Variants in TENM3 observed in about 807,000 individuals in gnomAD.
TENM3 encodes teneurin-3.
TENM3 carries 63 observed loss-of-function variants against 255.1 expected under a neutral mutation model. The observed-to-expected ratio is 0.25, with a 90% CI of 0.20 to 0.30. The LOEUF is 0.30. Among genes scored for constraint, TENM3 ranks in the 10% least tolerant of loss-of-function variants. The pLI, the probability that TENM3 is intolerant of heterozygous loss-of-function variation, is 1.00. For synonymous variants in TENM3, 1,306 were observed against 1,322.3 expected (o/e 0.99, Z 0.27); for missense variants, 2,929 against 3,461.1 (o/e 0.85, Z 3.86).
At chr4:181,645,209 C>A in the TENM3 span, among the ~76,000 whole-genome samples, 1 of 152,182 alleles carries the variant, frequency 6.6e-6, no homozygotes, top group South Asian at 2.1e-4. Context: ...ATGTTAGAAG[C>A]TTTTGGAAGA....
At chr4:181,726,790 T>A in the TENM3 span, among the ~76,000 whole-genome samples, 1 of 152,084 alleles carries the variant, frequency 6.6e-6, no homozygotes, top group Non-Finnish European at 1.5e-5. Flanking sequence ...CACCCCCCAC[T>A]TCCAAATTTC....
At chr4:182,091,463 C>T in the TENM3 span, among the ~76,000 whole-genome samples, 1 of 152,098 alleles carries the variant, frequency 6.6e-6, no homozygotes, top group African/African-American at 2.4e-5. Flanking sequence ...TACCTTGCAA[C>T]CTGAGGCCAG....
the TENM3 span, among the ~76,000 whole-genome samples, chr4:182,107,631 C>T: frequency 1.0e-3 from 158 of 152,232 alleles, no homozygotes; most frequent in Non-Finnish European, 2.0e-3. Flanking sequence ...AATCTGTCCA[C>T]GAAGCGAGGA....
At chr4:182,105,423 C>A in the TENM3 span, among the ~76,000 whole-genome samples, 2 of 152,156 alleles carry the variant, frequency 1.3e-5, no homozygotes, top group Admixed American at 6.5e-5. Flanking sequence ...AACTCTGACA[C>A]AAATGACAAG....
chr4:182,549,705 T>G (rs547848922), intron 3 of TENM3, among the ~76,000 whole-genome samples: 23 of 152,192 alleles, frequency 1.5e-4, no homozygotes, highest in Non-Finnish European at 2.9e-4. Flanking sequence ...TTTCAAAATA[T>G]CATGCATTCT....
At chr4:182,241,786 C>T (rs28632174), upstream of TENM3, among the ~76,000 whole-genome samples, 62,145 of 151,616 alleles carry the variant, frequency 0.41, 15,239 homozygotes, top group African/African-American at 0.69. Flanking sequence ...GGATTACAGG[C>T]ATGAGCCACT....
chr4:181,908,797 A>G, the TENM3 span, among the ~76,000 whole-genome samples: 1 of 152,244 alleles, frequency 6.6e-6, no homozygotes, highest in Non-Finnish European at 1.5e-5. Context: ...AAATCAGGTT[A>G]TCATAGTTAT....
chr4:182,769,933 C>T (rs969973876), intron 22 of TENM3, among the ~76,000 whole-genome samples: 5 of 151,572 alleles, frequency 3.3e-5, no homozygotes, highest in East Asian at 1.9e-4. Flanking sequence ...GGTGAAATCC[C>T]GTATCTACTA....
At chr4:181,512,738 C>T in the TENM3 span, among the ~76,000 whole-genome samples, 1 of 152,158 alleles carries the variant, frequency 6.6e-6, no homozygotes, top group Non-Finnish European at 1.5e-5. Context: ...AACAACCAAA[C>T]ATAAATAATA....
the TENM3 span, among the ~76,000 whole-genome samples, chr4:181,959,080 A>G: frequency 3.9e-5 from 6 of 152,170 alleles, no homozygotes; most frequent in East Asian, 1.9e-4. Flanking sequence ...GATTATTATT[A>G]ATTTTAGTTT....
chr4:182,676,936 T>G (rs1019780510), intron 7 of TENM3, among the ~76,000 whole-genome samples: 1 of 152,202 alleles, frequency 6.6e-6, no homozygotes, highest in African/African-American at 2.4e-5. Flanking sequence ...CTAGTGCAAT[T>G]GAAGAGTTAG....
At chr4:182,734,473 A>G (rs1221980100) in intron 16 of TENM3, among the ~76,000 whole-genome samples, 1 of 152,198 alleles carries the variant, frequency 6.6e-6, no homozygotes, top group African/African-American at 2.4e-5. Flanking sequence ...ATATTGATAG[A>G]AAAGAGAAAT....
chr4:182,672,119 C>A (rs1333547440), intron 6 of TENM3, among the ~76,000 whole-genome samples: 1 of 152,092 alleles, frequency 6.6e-6, no homozygotes, highest in Non-Finnish European at 1.5e-5. Flanking sequence ...TCTACCATGA[C>A]CCCCATCAGA....
the TENM3 span, among the ~76,000 whole-genome samples, chr4:181,797,478 T>C: frequency 7.9e-5 from 12 of 152,298 alleles, no homozygotes; most frequent in African/African-American, 1.2e-4. Context: ...GCTCTATCGG[T>C]ATAACGAATT....
At chr4:182,758,471 G>A (rs1156655616) in intron 22 of TENM3, among the ~76,000 whole-genome samples, 1 of 152,112 alleles carries the variant, frequency 6.6e-6, no homozygotes, top group Non-Finnish European at 1.5e-5. Context: ...CTACTCATCA[G>A]AGCCTTGACA....
chr4:182,004,139 G>T, the TENM3 span, among the ~76,000 whole-genome samples: 1 of 152,038 alleles, frequency 6.6e-6, no homozygotes, highest in Non-Finnish European at 1.5e-5. Flanking sequence ...TACAGAACGT[G>T]CAGGCTTATT....
chr4:182,112,055 C>A, the TENM3 span, among the ~76,000 whole-genome samples: 199 of 152,168 alleles, frequency 1.3e-3, 1 homozygote, highest in African/African-American at 4.6e-3. Context: ...TTTAGGAAAC[C>A]AAGGCCGGAG....
At chr4:181,926,693 T>G in the TENM3 span, among the ~76,000 whole-genome samples, 16 of 152,072 alleles carry the variant, frequency 1.1e-4, no homozygotes, top group Non-Finnish European at 2.2e-4. Flanking sequence ...TTAAATGGCA[T>G]CAAAAGATAT....
intron 3 of TENM3, among the ~76,000 whole-genome samples, chr4:182,495,409 T>C (rs1735680477): frequency 6.6e-6 from 1 of 152,154 alleles, no homozygotes; most frequent in Non-Finnish European, 1.5e-5. Context: ...GATTCATAGC[T>C]CTCATCTTTT....
Sources: allele counts gnomAD v4.1 joint callset (sites outside exome capture counted in the v4.1 genomes callset), GRCh38; gene constraint gnomAD v4.1.1; transcripts MANE v1.5; gene names NCBI Gene and HGNC (gene_info 2026-07-23, HGNC 2026-07-21).